ZNF529: variants seen among roughly 807,000 people sequenced by gnomAD.
The protein encoded by ZNF529 is zinc finger protein 529.
Under a neutral mutation model 10.1 loss-of-function variants are expected in ZNF529, and 11 were observed. The ratio of observed to expected loss-of-function variants is 1.09; its 90% confidence interval spans 0.69 to 1.81. The LOEUF is 1.81. ZNF529 is among the 40% of genes most tolerant of loss of function. The pLI is 0.00. For synonymous variants in ZNF529, 204 were observed against 215.7 expected, an observed-to-expected ratio of 0.95 and a Z score of 0.47; for missense variants, 624 against 666.8, an observed-to-expected ratio of 0.94 and a Z score of 0.71.
intron 2 of ZNF529, chr19:36,581,292 C>T (rs1475935853): frequency 6.6e-6 from 1 of 151,984 alleles, no homozygotes; most frequent in Non-Finnish European, 1.5e-5. Context: ...ACTTCTAGAT[C>T]TACAGATCAT....
intron 1 of ZNF529, among the ~76,000 whole-genome samples, chr19:36,598,722 G>GA (rs1195570714): frequency 8.6e-5 from 13 of 151,724 alleles, no homozygotes; most frequent in Non-Finnish European, 1.3e-4. Context: ...GAATTAAGTG[G>GA]AAAAAAAACT....
At chr19:36,555,849 G>A (rs1446334879) in intron 3 of ZNF529, among the ~76,000 whole-genome samples, 1 of 152,108 alleles carries the variant, frequency 6.6e-6, no homozygotes, top group Non-Finnish European at 1.5e-5. Flanking sequence ...CCCTATCCAA[G>A]AATATGACAA....
At chr19:36,574,988 G>GT, upstream of ZNF529, 1 of 455,638 alleles carries the variant, frequency 2.2e-6, no homozygotes, top group East Asian at 7.0e-5. Context: ...TGTAACTGGA[G>GT]TAAGTAGTTT....
At chr19:36,556,713 T>G (rs1168607399) in intron 2 of ZNF529, among the ~76,000 whole-genome samples, 1 of 152,142 alleles carries the variant, frequency 6.6e-6, no homozygotes, top group Admixed American at 6.6e-5. Flanking sequence ...TACCAAGCAC[T>G]CAGCTCCTAA....
At chr19:36,570,002 G>C (rs2036039362) in intron 2 of ZNF529, among the ~76,000 whole-genome samples, 1 of 152,102 alleles carries the variant, frequency 6.6e-6, no homozygotes. Flanking sequence ...TTCTGGGTAG[G>C]CTTGACTAAG....
intron 2 of ZNF529, among the ~76,000 whole-genome samples, chr19:36,565,129 T>C (rs550601428): frequency 5.9e-5 from 9 of 152,276 alleles, no homozygotes; most frequent in Non-Finnish European, 1.3e-4. Context: ...TGAAAAACTA[T>C]TGGGTACTAG....
chr19:36,600,654 C>A (rs997481608), intron 1 of ZNF529, among the ~76,000 whole-genome samples: 2 of 152,004 alleles, frequency 1.3e-5, no homozygotes, highest in African/African-American at 4.8e-5. Flanking sequence ...TGTATATACC[C>A]TTAATACTCT....
chr19:36,550,193 A>T (rs929393972), intron 4 of ZNF529, among the ~76,000 whole-genome samples: 31 of 152,256 alleles, frequency 2.0e-4, no homozygotes, highest in Non-Finnish European at 7.3e-5. Context: ...CATTAAAACC[A>T]GATTTGAGTG....
At chr19:36,579,785 T>C (rs1459488322) in intron 2 of ZNF529, among the ~76,000 whole-genome samples, 1 of 152,208 alleles carries the variant, frequency 6.6e-6, no homozygotes, top group Non-Finnish European at 1.5e-5. Flanking sequence ...GACTAGGACA[T>C]TACTGTATAC....
intron 2 of ZNF529, among the ~76,000 whole-genome samples, chr19:36,560,245 G>A (rs1001969784): frequency 7.3e-5 from 7 of 96,110 alleles, no homozygotes; most frequent in Non-Finnish European, 1.1e-4. Flanking sequence ...CAACAAGAGC[G>A]AAACTCCGTC....
rs918387803 is a variant in ZNF529 at position 36,566,130 on chromosome 19, G to A, written c.14+6203C>T. Among the ~76,000 whole-genome samples the A allele has an allele frequency of 2.6e-5, 4 of 152,274 alleles. No homozygotes were observed. In the East Asian group the frequency reaches 7.7e-4, roughly 29 times the overall value. On this transcript the variant is annotated intron_variant, in intron 2 of 4. Transcript: ENST00000591340. ...ATAAATTCTGGCCCCGGAATAGCCA[G>A]CTTTCATTAATTTTAATGTGATCCT...
chr19:36,596,812 G>A (rs891695761), intron 1 of ZNF529, among the ~76,000 whole-genome samples: 9 of 152,046 alleles, frequency 5.9e-5, no homozygotes, highest in African/African-American at 1.2e-4. Flanking sequence ...GAGACCCCAC[G>A]CCCAGCCTTG....
Position 36,547,680 on chromosome 19 carries a change from A to C in ZNF529, c.878T>G (p.Val293Gly), listed in dbSNP as rs762669666. The change falls in exon 5 of 5, where the codon GTG (valine) becomes GGG (glycine). Residue 293 changes from valine (V) to glycine (G), a missense_variant. Physicochemically the swap from Val to Gly is moderately radical, Grantham distance 109 (BLOSUM62 -3). Transcript: ENST00000591340. ...ECSFCGKSFR[V>G]HAQLTRHQKI... ...CTGATGTCGAGTAAGTTGTGCATGCACTCTAAAGGATTTCCCACAGAATGA... is the reference window on the plus strand; with the variant it reads ...CTGATGTCGAGTAAGTTGTGCATGCCCTCTAAAGGATTTCCCACAGAATGA... 2 of 1,613,752 alleles carry C rather than the reference A, an allele frequency of 1.2e-6. No individual in the cohort carries two copies. The highest frequency in any genetic ancestry group is 1.7e-6 in the Non-Finnish European group (2 of 1,179,808).
chr19:36,546,064 T>C lies in ZNF529; in HGVS notation c.*802A>G, dbSNP rs956265970. ...CATATATTGTGTGTGTGTGTGTGTA[T>C]ATATATATATATATATAGTGTGTTA... On this transcript the variant is annotated 3_prime_UTR_variant, in exon 5 of 5. Transcript: ENST00000591340. 1 of 68,648 alleles carries C rather than the reference T, an allele frequency of 1.5e-5. No individual in the cohort carries two copies. 4.3% of individuals were successfully genotyped at this position (68,648 alleles called of 1,614,324 possible).
chr19:36,587,757 G>A, intron 2 of ZNF529, among the ~76,000 whole-genome samples: 1 of 152,148 alleles, frequency 6.6e-6, no homozygotes, highest in Admixed American at 6.6e-5. Flanking sequence ...AGTCATGAAG[G>A]ATTTACATAC....
intron 1 of ZNF529, among the ~76,000 whole-genome samples, chr19:36,601,346 C>T (rs767893636): frequency 1.2e-4 from 19 of 152,026 alleles, no homozygotes; most frequent in Non-Finnish European, 2.4e-4. Flanking sequence ...CCTCGTGATC[C>T]GCCTGCCTCG....
Position 36,572,377 on chromosome 19 carries a change from G to A in ZNF529, c.-31C>T. 1 of 1,550,908 alleles carries A rather than the reference G, an allele frequency of 6.4e-7. No homozygotes were observed. Among genetic ancestry groups the A allele is most frequent in the Non-Finnish European group, 8.7e-7 (1 of 1,146,774 alleles). ...CCAATGCTGTCTTCCACTTCAGGGG[G>A]CCTTCACTTGCAGAACTACATAACC... is the stretch of plus-strand genomic sequence containing the variant. On this transcript the variant is annotated 5_prime_UTR_variant, in exon 2 of 5. Coordinates refer to ENST00000591340, the MANE Select transcript of ZNF529 (RefSeq NM_020951.5).
chr19:36,557,034 C>A (rs1213359717), intron 2 of ZNF529, among the ~76,000 whole-genome samples: 1 of 152,172 alleles, frequency 6.6e-6, no homozygotes. Context: ...ATTGTCAGAA[C>A]AAATCTCGAA....
intron 4 of ZNF529, chr19:36,551,813 C>T (rs1397449418): frequency 1.3e-5 from 2 of 152,116 alleles, no homozygotes; most frequent in Non-Finnish European, 2.9e-5. Context: ...GCTCTTTCTC[C>T]ATCACACACC....
Sources: gnomAD v4.1 joint callset for allele counts (sites outside exome capture counted in the v4.1 genomes callset) on GRCh38, gnomAD v4.1.1 for gene constraint, MANE v1.5 for transcripts, NCBI Gene and HGNC (gene_info 2026-07-23, HGNC 2026-07-21) for gene names.